Variants in LINGO2 observed in about 807,000 individuals in gnomAD.
The protein encoded by LINGO2 is leucine rich repeat and Ig domain containing 2, also known as leucine-rich repeat and immunoglobulin-like domain-containing nogo receptor-interacting protein 2.
LINGO2 carries 14 observed loss-of-function variants against 30.6 expected under a neutral mutation model. The ratio of observed to expected loss-of-function variants is 0.46; its 90% CI spans 0.30 to 0.72. The LOEUF (loss-of-function observed/expected upper bound fraction) is 0.72, where lower values mean the gene tolerates loss of function less well. Ranked by LOEUF, LINGO2 falls within the 30% of genes least tolerant of loss-of-function variation. The pLI is 0.07. For synonymous variants in LINGO2, 317 were observed against 288.5 expected (o/e 1.10, Z -1.00); for missense variants, 729 against 751.7 (o/e 0.97, Z 0.35).
chr9:28,569,121 A>C (rs995413311), intron 1 of LINGO2, among the ~76,000 whole-genome samples: 1 of 152,058 alleles, frequency 6.6e-6, no homozygotes, highest in Admixed American at 6.6e-5. Context: ...CTATTATCAG[A>C]AAGATGAAAA....
the LINGO2 span, among the ~76,000 whole-genome samples, chr9:29,176,315 G>A: frequency 6.6e-6 from 1 of 152,136 alleles, no homozygotes; most frequent in Admixed American, 6.6e-5. Flanking sequence ...TGATCTCAGA[G>A]ACAGATGTCC....
intron 2 of LINGO2, among the ~76,000 whole-genome samples, chr9:28,424,918 T>C (rs1288797698): frequency 1.3e-5 from 2 of 152,068 alleles, no homozygotes; most frequent in Admixed American, 1.3e-4. Context: ...TGGTCTTGGA[T>C]AAGTATATTA....
chr9:28,577,425 T>C (rs1824044095), intron 1 of LINGO2, among the ~76,000 whole-genome samples: 1 of 152,028 alleles, frequency 6.6e-6, no homozygotes, highest in African/African-American at 2.4e-5. Flanking sequence ...CGAGTACCAT[T>C]TTCCACACCC....
chr9:29,102,762 T>C, the LINGO2 span, among the ~76,000 whole-genome samples: 11,419 of 152,178 alleles, frequency 0.075, 602 homozygotes, highest in East Asian at 0.26. Context: ...TTTTTCTCAG[T>C]GTATATTAAA....
At chr9:28,742,281 TAA>T in the LINGO2 span, among the ~76,000 whole-genome samples, 4 of 147,102 alleles carry the variant, frequency 2.7e-5, no homozygotes, top group African/African-American at 2.5e-5. Context: ...TTTTTTTTTT[TAA>T]TTTCTGCACT....
intron 4 of LINGO2, among the ~76,000 whole-genome samples, chr9:28,020,089 T>C (rs1212245395): frequency 6.6e-6 from 1 of 152,140 alleles, no homozygotes; most frequent in African/African-American, 2.4e-5. Context: ...CTACACTAGA[T>C]GATGCTTATG....
chr9:29,003,419 C>G, the LINGO2 span, among the ~76,000 whole-genome samples: 4 of 151,896 alleles, frequency 2.6e-5, no homozygotes, highest in Non-Finnish European at 5.9e-5. Context: ...ATTTCTACCA[C>G]TTTTACAGGT....
chr9:29,070,177 C>A, the LINGO2 span, among the ~76,000 whole-genome samples: 2 of 151,932 alleles, frequency 1.3e-5, no homozygotes, highest in African/African-American at 4.8e-5. Flanking sequence ...CTATGAGGAA[C>A]CTGATGCTTA....
exon 6 of LINGO2, chr9:27,948,527 T>A (rs1823457651): frequency 4.0e-6 from 1 of 247,812 alleles, no homozygotes; most frequent in African/African-American, 2.3e-5. Context: ...TATTTTTTCT[T>A]TTGTTTTTTG....
the LINGO2 span, among the ~76,000 whole-genome samples, chr9:28,872,588 G>C: frequency 1.2e-4 from 18 of 152,166 alleles, no homozygotes; most frequent in South Asian, 3.7e-3. Context: ...ATCAAGTTTG[G>C]TACATGCTTC....
the LINGO2 span, among the ~76,000 whole-genome samples, chr9:28,920,516 C>T: frequency 1.3e-5 from 2 of 152,072 alleles, no homozygotes. Flanking sequence ...TGGCTAGAAA[C>T]TATCATTACC....
At chr9:28,528,903 A>G (rs1323820881) in intron 1 of LINGO2, among the ~76,000 whole-genome samples, 1 of 152,162 alleles carries the variant, frequency 6.6e-6, no homozygotes, top group Non-Finnish European at 1.5e-5. Flanking sequence ...TCTCAAATAA[A>G]TCACTAGCTA....
At chr9:28,984,961 GA>G in the LINGO2 span, among the ~76,000 whole-genome samples, 1 of 151,952 alleles carries the variant, frequency 6.6e-6, no homozygotes, top group Admixed American at 6.6e-5. Context: ...ACCTCAAAAA[GA>G]AACCCACCTT....
At position 28,072,781 on chromosome 9, in the gene LINGO2, T is replaced by C. The variant is rs118133882; in HGVS notation, c.-86-60376A>G. On this transcript the variant is annotated intron_variant, in intron 4 of 5. Coordinates refer to ENST00000379992, the Ensembl canonical transcript of LINGO2. ...AAACATTATTGCTGAGGGCCCAGGA[T>C]CTGTTCTGTTTTTCAATATATCTGG... Among the ~76,000 whole-genome samples, 181 of 152,024 alleles carry C rather than the reference T, an allele frequency of 1.2e-3. 4 individuals carry two copies. The South Asian group carries it at 0.031, about 26-fold the overall frequency.
intron 5 of LINGO2, among the ~76,000 whole-genome samples, chr9:27,982,904 A>T (rs1343171491): frequency 6.6e-6 from 1 of 151,810 alleles, no homozygotes; most frequent in Non-Finnish European, 1.5e-5. Context: ...CTTTACATAC[A>T]CTTACGAACT....
the LINGO2 span, among the ~76,000 whole-genome samples, chr9:28,714,821 C>CAT: frequency 1.3e-5 from 2 of 151,988 alleles, no homozygotes; most frequent in Non-Finnish European, 2.9e-5. Flanking sequence ...ATTACATATG[C>CAT]ATTCTACTTT....
intron 2 of LINGO2, among the ~76,000 whole-genome samples, chr9:28,429,633 C>T (rs1208694785): frequency 6.6e-6 from 1 of 152,114 alleles, no homozygotes; most frequent in Non-Finnish European, 1.5e-5. Context: ...TCAAGGAATC[C>T]TTTAGTTTTA....
At chr9:28,250,456 G>C (rs986037146) in intron 4 of LINGO2, among the ~76,000 whole-genome samples, 1 of 152,132 alleles carries the variant, frequency 6.6e-6, no homozygotes, top group African/African-American at 2.4e-5. Context: ...GGCAATACAG[G>C]ACATCAACAG....
chr9:28,966,909 A>G, the LINGO2 span, among the ~76,000 whole-genome samples: 1 of 152,060 alleles, frequency 6.6e-6, no homozygotes, highest in African/African-American at 2.4e-5. Flanking sequence ...CCACTTACTG[A>G]TGCATAAAAT....
Sources: gnomAD v4.1 joint callset for allele counts (sites outside exome capture counted in the v4.1 genomes callset) on GRCh38, gnomAD v4.1.1 for gene constraint, MANE v1.5 for transcripts, NCBI Gene and HGNC (gene_info 2026-07-23, HGNC 2026-07-21) for gene names.